The following BIRC5 variants were observed in gnomAD, a reference collection of about 807,000 sequenced individuals.
BIRC5 encodes baculoviral IAP repeat-containing protein 5.
In BIRC5, 8 loss-of-function variants were observed where a neutral mutation model predicts 15.8. The observed-to-expected ratio is 0.51, with a 90% CI of 0.30 to 0.91. The LOEUF is 0.91. BIRC5 is among the 40% of genes least tolerant of loss of function. The pLI, the probability that BIRC5 is intolerant of heterozygous loss-of-function variation, is 0.07. For missense variants in BIRC5, 163 were observed against 178.6 expected (o/e 0.91, Z 0.50); for synonymous variants, 56 against 64.5 (o/e 0.87, Z 0.63).
At chr17:78,220,074 G>A (rs999533888) in intron 3 of BIRC5, among the ~76,000 whole-genome samples, 2 of 151,282 alleles carry the variant, frequency 1.3e-5, no homozygotes. Flanking sequence ...GGGTTACAGG[G>A]ATGAAGATGC....
At position 78,214,304 on chromosome 17, in the gene BIRC5, T is replaced by TGGCGGC. The variant is rs750450342; in HGVS notation, c.-6_-1dup. 4.4e-6 allele frequency: 7 copies of TGGCGGC among 1,596,294 alleles called. No homozygotes were observed. Among genetic ancestry groups the TGGCGGC allele is most frequent in the East Asian group, 2.3e-5 (1 of 43,746 alleles). Reference sequence around the variant, plus strand: ...GAATCGCGGGACCCGTTGGCAGAGGTGGCGGCGGCGGCATGGGTGCCCCGA... The same window carrying TGGCGGC: ...GAATCGCGGGACCCGTTGGCAGAGGTGGCGGCGGCGGCGGCGGCATGGGTGCCCCGA... On this transcript the variant is annotated 5_prime_UTR_variant, in exon 1 of 4. Transcript: ENST00000350051.
chr17:78,218,404 C>T (rs2076494730), intron 3 of BIRC5, among the ~76,000 whole-genome samples: 1 of 151,162 alleles, frequency 6.6e-6, no homozygotes, highest in Non-Finnish European at 1.5e-5. Context: ...AGCGATTCTC[C>T]TGCCTTAGCC....
At chr17:78,222,325 ATTAC>A (rs1375547910) in intron 3 of BIRC5, among the ~76,000 whole-genome samples, 1 of 151,646 alleles carries the variant, frequency 6.6e-6, no homozygotes, top group Admixed American at 6.6e-5. Context: ...ACAAATTTTT[ATTAC>A]TTATACATGA....
intron 3 of BIRC5, among the ~76,000 whole-genome samples, chr17:78,221,173 G>T (rs2076512845): frequency 6.6e-6 from 1 of 152,234 alleles, no homozygotes; most frequent in African/African-American, 2.4e-5. Flanking sequence ...CTTCATAAGA[G>T]TTTACTTGGT....
Position 78,215,491 on chromosome 17 carries a change from A to T in BIRC5, c.221+702A>T, listed in dbSNP as rs74722605. Among the ~76,000 whole-genome samples, 755 of 151,238 alleles carry T rather than the reference A, an allele frequency of 5.0e-3. 9 individuals carry two copies. The highest frequency in any genetic ancestry group is 0.017 in the African/African-American group (698 of 41,364). ...GTTGTTCTGGATTTTTTTCTTCAAGATGCCTAGTTAATGACAATGAAATTC... is the reference window on the plus strand; with the variant it reads ...GTTGTTCTGGATTTTTTTCTTCAAGTTGCCTAGTTAATGACAATGAAATTC... On this transcript the variant is annotated intron_variant, in intron 2 of 3. Transcript: ENST00000350051.
At position 78,225,604 on chromosome 17, in the gene BIRC5, A is replaced by G. The variant is rs879453340; in HGVS notation, c.*2050A>G. On this transcript the variant is annotated 3_prime_UTR_variant, in exon 4 of 4. Transcript: ENST00000350051. ...CGCCATGTGGAAAGAGTAACTCACAATTGCCAATAAAGTCTCATGTGGTTT... is the reference window on the plus strand; with the variant it reads ...CGCCATGTGGAAAGAGTAACTCACAGTTGCCAATAAAGTCTCATGTGGTTT... 1 of 152,042 alleles carries G rather than the reference A, an allele frequency of 6.6e-6. No homozygotes were observed. The highest frequency in any genetic ancestry group is 1.5e-5 in the Non-Finnish European group (1 of 67,996). 9.4% of individuals were successfully genotyped at this position (152,042 alleles called of 1,614,324 possible).
At chr17:78,216,841 C>A in intron 3 of BIRC5, 60 bp downstream of exon 3, 1 of 1,321,156 alleles carries the variant, frequency 7.6e-7, no homozygotes, top group Non-Finnish European at 1.1e-6. Context: ...ACTAAACTAC[C>A]TAGTCCCTCA....
Position 78,223,919 on chromosome 17 carries a change from G to C in BIRC5, c.*365G>C, listed in dbSNP as rs1479032435. 2.9e-6 allele frequency: 1 copy of C among 340,924 alleles called. No homozygotes were observed. The highest frequency in any genetic ancestry group is 5.4e-5 in the East Asian group (1 of 18,508). 21.1% of individuals were successfully genotyped at this position (340,924 alleles called of 1,614,324 possible). ...TCGCGTGGGCAGAGCCTTCCACAGTGAATGTGTCTGGACCTCATGTTGTTG... is the reference window on the plus strand; with the variant it reads ...TCGCGTGGGCAGAGCCTTCCACAGTCAATGTGTCTGGACCTCATGTTGTTG... On this transcript the variant is annotated 3_prime_UTR_variant, in exon 4 of 4. Transcript: ENST00000350051.
At chr17:78,220,034 C>T (rs1045454516) in intron 3 of BIRC5, among the ~76,000 whole-genome samples, 10 of 152,210 alleles carry the variant, frequency 6.6e-5, no homozygotes, top group African/African-American at 2.4e-4. Flanking sequence ...CCCTGAAGTG[C>T]TGGTGGACGC....
chr17:78,215,484 C>A (rs1283831804), intron 2 of BIRC5, among the ~76,000 whole-genome samples: 1 of 150,064 alleles, frequency 6.7e-6, no homozygotes, highest in African/African-American at 2.4e-5. Flanking sequence ...GGATTTTTTT[C>A]TTCAAGATGC....
intron 3 of BIRC5, among the ~76,000 whole-genome samples, chr17:78,220,361 G>T (rs995033294): frequency 5.3e-5 from 8 of 152,146 alleles, no homozygotes; most frequent in African/African-American, 1.9e-4. Flanking sequence ...CTGGGAGGTG[G>T]AGCTTGCAGT....
chr17:78,223,046 C>G, intron 3 of BIRC5: 1 of 588,440 alleles, frequency 1.7e-6, no homozygotes, highest in Non-Finnish European at 2.2e-6. Flanking sequence ...GGTGCCTAGA[C>G]TAGCTGGGGT....
intron 3 of BIRC5, among the ~76,000 whole-genome samples, chr17:78,223,228 C>G (rs377045896): frequency 6.6e-6 from 1 of 152,194 alleles, no homozygotes; most frequent in South Asian, 2.1e-4. Context: ...GGGTGCATAC[C>G]AAGCACTCCG....
intron 2 of BIRC5, 106 bp downstream of exon 2, chr17:78,214,895 T>C: frequency 2.9e-6 from 3 of 1,047,456 alleles, no homozygotes; most frequent in Non-Finnish European, 4.3e-6. Flanking sequence ...TCCACCCTCA[T>C]TGCTTCTTAA....
At chr17:78,220,211 G>A (rs1269185718) in intron 3 of BIRC5, among the ~76,000 whole-genome samples, 20 of 152,072 alleles carry the variant, frequency 1.3e-4, no homozygotes, top group Admixed American at 1.2e-3. Context: ...GGTGGATCAC[G>A]AGGTCAGGAG....
intron 2 of BIRC5, 181 bp downstream of exon 2, chr17:78,214,970 A>C: frequency 6.7e-6 from 4 of 596,322 alleles, no homozygotes; most frequent in South Asian, 5.8e-5. Flanking sequence ...AACCTAATTA[A>C]ATCTCATTTG....
intron 3 of BIRC5, among the ~76,000 whole-genome samples, chr17:78,217,289 C>G (rs1047429960): frequency 1.3e-5 from 2 of 151,742 alleles, no homozygotes; most frequent in Non-Finnish European, 2.9e-5. Flanking sequence ...GATTTGCCTG[C>G]TTCAGCCTCC....
chr17:78,219,941 G>A (rs1029435926), intron 3 of BIRC5, among the ~76,000 whole-genome samples: 2 of 152,180 alleles, frequency 1.3e-5, no homozygotes, highest in African/African-American at 4.8e-5. Flanking sequence ...TGGAAACCAG[G>A]TCCCAGAGCG....
In BIRC5 at chr17:78,214,367, C is replaced by A. The variant is rs2076462033; in HGVS notation, c.51C>A (p.His17Gln). ...PPAWQPFLKD[H>Q]RISTFKNWPF... The stretch of plus-strand genomic sequence containing the variant: ...CCTGGCAGCCCTTTCTCAAGGACCA[C>A]CGCATCTCTACATTCAAGAACTGGC... The change falls in exon 1 of 4, where the codon CAC becomes CAA. Residue 17 changes from histidine (H) to glutamine (Q), a missense_variant. Physicochemically the swap from His to Gln is conservative, Grantham distance 24. Transcript: ENST00000350051. 6.2e-7 allele frequency: 1 copy of A among 1,608,254 alleles called. No individual in the cohort carries two copies. Among genetic ancestry groups the A allele is most frequent in the African/African-American group, 1.3e-5 (1 of 74,194 alleles).
Sources: gnomAD v4.1 joint callset for allele counts (sites outside exome capture counted in the v4.1 genomes callset) on GRCh38, gnomAD v4.1.1 for gene constraint, MANE v1.5 for transcripts, NCBI Gene and HGNC (gene_info 2026-07-23, HGNC 2026-07-21) for gene names.